Variants in POU6F2 observed in about 807,000 individuals in gnomAD.
POU6F2 encodes POU domain, class 6, transcription factor 2.
POU6F2 carries 31 observed loss-of-function variants against 71.3 expected under a neutral mutation model. That is an observed-to-expected ratio of 0.43 (90% CI 0.33 to 0.59). The LOEUF (loss-of-function observed/expected upper bound fraction) is 0.59. POU6F2 is among the 20% of genes least tolerant of loss of function. POU6F2 has a pLI of 0.04. For synonymous variants in POU6F2, 347 were observed against 355.7 expected (o/e 0.98, Z 0.27); for missense variants, 783 against 856.8 (o/e 0.91, Z 1.07).
At chr7:39,233,866 G>A (rs1227192139) in intron 4 of POU6F2, among the ~76,000 whole-genome samples, 1 of 152,168 alleles carries the variant, frequency 6.6e-6, no homozygotes, top group East Asian at 1.9e-4. Flanking sequence ...CTCCTCTTGT[G>A]TTTTCCGGGC....
chr7:39,107,959 A>G (rs1791726883), intron 2 of POU6F2, among the ~76,000 whole-genome samples: 1 of 152,246 alleles, frequency 6.6e-6, no homozygotes. Context: ...AGCCTTTGAT[A>G]GAGTCCATAG....
At chr7:39,066,963 T>TTA (rs1186379028) in intron 1 of POU6F2, among the ~76,000 whole-genome samples, 3 of 147,934 alleles carry the variant, frequency 2.0e-5, no homozygotes, top group African/African-American at 7.3e-5. Context: ...AATATATGCA[T>TTA]TATACATCAT....
chr7:39,433,131 A>G lies in POU6F2; in HGVS notation c.1168A>G (p.Ser390Gly). Reference protein sequence around the residue: ...PNPGPSSQAASGTQGLQVQPI... With the variant: ...PNPGPSSQAAGGTQGLQVQPI... ...TCCAGGGCCATCGAGCCAAGCAGCA[A>G]GCGGCACTCAGGGCTTGCAAGTGCA... The change falls in exon 7 of 10, where the codon AGC (serine) becomes GGC (glycine). Residue 390 changes from serine to glycine, a missense_variant. Ser to Gly is a moderately conservative substitution (Grantham distance 56). Transcript: ENST00000518318. 1 of 1,613,672 alleles carries G rather than the reference A, an allele frequency of 6.2e-7. No individual in the cohort carries two copies. Among genetic ancestry groups the G allele is most frequent in the Non-Finnish European group, 8.5e-7 (1 of 1,179,724 alleles).
chr7:39,137,113 T>C (rs1159357564), intron 2 of POU6F2, among the ~76,000 whole-genome samples: 6 of 151,982 alleles, frequency 3.9e-5, no homozygotes, highest in Admixed American at 6.6e-5. Flanking sequence ...TAATTTATTG[T>C]ATATTATCAG....
intron 2 of POU6F2, among the ~76,000 whole-genome samples, chr7:39,141,941 G>A (rs1312208934): frequency 6.6e-6 from 1 of 152,034 alleles, no homozygotes; most frequent in Non-Finnish European, 1.5e-5. Flanking sequence ...CGAAAAATTA[G>A]CCAGGTGGGG....
chr7:39,443,990 A>G (rs1329189146), intron 7 of POU6F2, among the ~76,000 whole-genome samples: 1 of 152,258 alleles, frequency 6.6e-6, no homozygotes, highest in Non-Finnish European at 1.5e-5. Context: ...AGTAAAGTAT[A>G]GGACTGTCAG....
intron 4 of POU6F2, among the ~76,000 whole-genome samples, chr7:39,308,752 C>T (rs1372190010): frequency 6.6e-6 from 1 of 152,188 alleles, no homozygotes; most frequent in Non-Finnish European, 1.5e-5. Flanking sequence ...TCCACTAAGC[C>T]AGGGCTGAGG....
chr7:39,455,094 G>A (rs1001143919), intron 8 of POU6F2, among the ~76,000 whole-genome samples: 1 of 152,088 alleles, frequency 6.6e-6, no homozygotes. Context: ...GGTGGATATG[G>A]TTTTTATAAG....
chr7:39,457,142 C>A lies in POU6F2; in HGVS notation c.1490-3405C>A, dbSNP rs540297478. ...CAAGGAACTAGTAAGGACACATAAA[C>A]AATAGAGACGGCAGAGGAAGGGAAG... On this transcript the variant is annotated intron_variant, in intron 8 of 9. Coordinates refer to ENST00000518318, the MANE Select transcript of POU6F2 (RefSeq NM_001370959.1). Among the ~76,000 whole-genome samples, 4 of 152,272 alleles carry A rather than the reference C, an allele frequency of 2.6e-5. No individual in the cohort carries two copies. In the East Asian group the frequency reaches 7.7e-4, roughly 29 times the overall value.
At chr7:39,222,491 A>G (rs1404736673) in intron 4 of POU6F2, among the ~76,000 whole-genome samples, 4 of 152,224 alleles carry the variant, frequency 2.6e-5, no homozygotes, top group Non-Finnish European at 5.9e-5. Flanking sequence ...TGCAATCATC[A>G]TCACCATCCA....
chr7:39,203,147 C>A (rs1793941500), intron 2 of POU6F2, among the ~76,000 whole-genome samples: 1 of 152,156 alleles, frequency 6.6e-6, no homozygotes, highest in Non-Finnish European at 1.5e-5. Flanking sequence ...AAGTCTGTCC[C>A]TTTGGAGAAT....
At chr7:39,123,240 A>G (rs1792080782) in intron 2 of POU6F2, among the ~76,000 whole-genome samples, 1 of 152,168 alleles carries the variant, frequency 6.6e-6, no homozygotes, top group Non-Finnish European at 1.5e-5. Context: ...ATTGCACTGT[A>G]TGTAGTGTGC....
intron 5 of POU6F2, among the ~76,000 whole-genome samples, chr7:39,347,223 ATTATAACCTG>A (rs1356335582): frequency 6.6e-6 from 1 of 152,204 alleles, no homozygotes; most frequent in East Asian, 1.9e-4. Flanking sequence ...GACTATAGAT[ATTATAACCTG>A]TTGGGGAATA....
At chr7:39,127,874 G>T (rs953153484) in intron 2 of POU6F2, among the ~76,000 whole-genome samples, 1 of 113,652 alleles carries the variant, frequency 8.8e-6, no homozygotes, top group Admixed American at 1.2e-4. Context: ...ACGGAGTCTT[G>T]CTCTGTCGCC....
intron 4 of POU6F2, among the ~76,000 whole-genome samples, chr7:39,259,157 A>G (rs35948778): frequency 3.8e-4 from 1 of 2,634 alleles, no homozygotes; most frequent in African/African-American, 7.9e-4. Context: ...GACTATAGAT[A>G]TTAAGAGCCC....
intron 2 of POU6F2, among the ~76,000 whole-genome samples, chr7:39,164,863 A>G (rs908565537): frequency 6.6e-6 from 1 of 152,188 alleles, no homozygotes; most frequent in East Asian, 1.9e-4. Context: ...GATCCTCTCC[A>G]GTAAGCCAGA....
intron 5 of POU6F2, among the ~76,000 whole-genome samples, chr7:39,395,732 A>G (rs2237405): frequency 1.3e-5 from 2 of 152,182 alleles, no homozygotes; most frequent in African/African-American, 2.4e-5. Context: ...TCTGCACTCA[A>G]TAGCACCTAT....
rs1788146665 is a variant in POU6F2 at position 39,433,067 on chromosome 7, T to C, written c.1114-10T>C. ...CGAGCCAGCTCCTCACCTTTGGCCC[T>C]CTCTTGCAGATTATCGGGACCATTC... On this transcript the variant is annotated splice_polypyrimidine_tract_variant and intron_variant, in intron 6 of 9. Coordinates refer to ENST00000518318, the MANE Select transcript of POU6F2 (RefSeq NM_001370959.1). 1.9e-6 allele frequency: 3 copies of C among 1,612,026 alleles called. No individual in the cohort carries two copies. The highest frequency in any genetic ancestry group is 2.5e-6 in the Non-Finnish European group (3 of 1,178,720).
chr7:39,117,426 T>A (rs930859447), intron 2 of POU6F2, among the ~76,000 whole-genome samples: 1 of 152,090 alleles, frequency 6.6e-6, no homozygotes, highest in African/African-American at 2.4e-5. Flanking sequence ...AAACATGCAT[T>A]TTTCTTCACT....
Sources: gnomAD v4.1 joint callset for allele counts (sites outside exome capture counted in the v4.1 genomes callset) on GRCh38, gnomAD v4.1.1 for gene constraint, MANE v1.5 for transcripts, NCBI Gene and HGNC (gene_info 2026-07-23, HGNC 2026-07-21) for gene names.